RERE: variants seen among roughly 807,000 people sequenced by gnomAD.
RERE encodes the protein arginine-glutamic acid dipeptide repeats.
A neutral mutation model predicts 146.1 loss-of-function variants in RERE; 40 were observed. The ratio of observed to expected loss-of-function variants is 0.27; its 90% confidence interval spans 0.21 to 0.36. The LOEUF is 0.36. Ranked by LOEUF, RERE falls within the 10% of genes least tolerant of loss-of-function variation. The pLI, the probability that RERE is intolerant of heterozygous loss-of-function variation, is 1.00. For missense variants in RERE, 1,933 were observed against 2,138.7 expected (o/e 0.90, Z 1.90); for synonymous variants, 1,003 against 866.0 (o/e 1.16, Z -2.78).
intron 1 of RERE, chr1:8,703,307 G>C (rs1456311543): frequency 6.6e-6 from 1 of 150,414 alleles, no homozygotes; most frequent in African/African-American, 2.4e-5. Flanking sequence ...CGGCTAGGGA[G>C]GCGGCCGCCC....
At chr1:8,691,495 A>T (rs1474464689) in intron 1 of RERE, among the ~76,000 whole-genome samples, 1 of 152,202 alleles carries the variant, frequency 6.6e-6, no homozygotes, top group East Asian at 1.9e-4. Flanking sequence ...AAGAAATGCA[A>T]AGCCTTCCTA....
At chr1:8,615,469 G>C (rs1333397255) in intron 3 of RERE, among the ~76,000 whole-genome samples, 2 of 152,178 alleles carry the variant, frequency 1.3e-5, no homozygotes, top group African/African-American at 4.8e-5. Context: ...AGCTAGCACA[G>C]TATACCTCAG....
At chr1:8,816,081 G>C (rs1006650659) in intron 1 of RERE, among the ~76,000 whole-genome samples, 1 of 151,446 alleles carries the variant, frequency 6.6e-6, no homozygotes, top group Admixed American at 6.6e-5. Flanking sequence ...TCCCCCAACA[G>C]ACTGAGACTA....
intron 10 of RERE, among the ~76,000 whole-genome samples, chr1:8,482,599 G>A (rs1474800144): frequency 1.4e-5 from 2 of 144,630 alleles, no homozygotes; most frequent in African/African-American, 2.5e-5. Context: ...GGAGAATGGC[G>A]TGAACCCAGG....
At chr1:8,400,225 T>A (rs1643202911) in intron 12 of RERE, among the ~76,000 whole-genome samples, 1 of 126,632 alleles carries the variant, frequency 7.9e-6, no homozygotes, top group Non-Finnish European at 1.5e-5. Context: ...GTGTCATATG[T>A]GTGTGTGTGT....
intron 1 of RERE, among the ~76,000 whole-genome samples, chr1:8,727,189 C>G (rs1639988619): frequency 6.6e-6 from 1 of 152,154 alleles, no homozygotes; most frequent in Non-Finnish European, 1.5e-5. Context: ...GTAGCCCAGG[C>G]TGGAGTGCAG....
rs1325428226 is a variant in RERE, at chr1:8,356,003, C to CATGA, written c.4486+93_4486+96dup. The CATGA allele has an allele frequency of 2.7e-5, 35 of 1,320,732 alleles. No homozygotes were observed. The highest frequency in any genetic ancestry group is 1.1e-4 in the Admixed American group (4 of 35,352). The allele number at this position is 1,320,732 out of a possible 1,614,324, so 81.8% of individuals were successfully genotyped here. A position where few individuals can be genotyped will look rare whatever the true frequency, so the allele number is the denominator to read the frequency against. On this transcript the variant is annotated intron_variant, in intron 21 of 22. Transcript: ENST00000400908. This position sits in a 1 kb window ranked among gnomAD's most constrained non-coding sequence, Gnocchi z 5.2. ...GGGGAGCGAACCCACCTGCTCAATG[C>CATGA]ATGAATGAATGAATGAGTAATGAAT...
At chr1:8,453,808 C>T (rs948228647) in intron 11 of RERE, among the ~76,000 whole-genome samples, 1 of 151,118 alleles carries the variant, frequency 6.6e-6, no homozygotes, top group African/African-American at 2.4e-5. Context: ...GACTCTGTCT[C>T]AAAAAAAAAT....
chr1:8,696,927 T>C (rs192851013), intron 1 of RERE, among the ~76,000 whole-genome samples: 222 of 146,216 alleles, frequency 1.5e-3, no homozygotes, highest in Non-Finnish European at 1.7e-3. Flanking sequence ...AAAAATAAAA[T>C]AAAAACAGTT....
At position 8,661,837 on chromosome 1, in the gene RERE, G is replaced by GT. The variant is rs1638463335; in HGVS notation, c.-144-5397dup. Among the ~76,000 whole-genome samples the GT allele has an allele frequency of 1.3e-5, 2 of 152,116 alleles. 1 individual carries two copies. The highest frequency in any genetic ancestry group is 4.1e-4 in the South Asian group (2 of 4,826). Reference sequence around the variant, plus strand: ...GGTCCAGGCTGGAGATAATAATTTAGTTTTTAAAGCCATGAGACTGAATGA... The same window carrying GT: ...GGTCCAGGCTGGAGATAATAATTTAGTTTTTTAAAGCCATGAGACTGAATGA... On this transcript the variant is annotated intron_variant, in intron 1 of 22. Coordinates refer to ENST00000400908, the MANE Select transcript of RERE (RefSeq NM_001042681.2).
At chr1:8,564,826 A>ATATGTGTG (rs1384858524) in intron 4 of RERE, among the ~76,000 whole-genome samples, 1,199 of 117,690 alleles carry the variant, frequency 0.01, 10 homozygotes, top group African/African-American at 0.026. Context: ...GTGTGTGTAT[A>ATATGTGTG]TGTGTATGTG....
chr1:8,651,853 T>C (rs181267252), intron 2 of RERE, among the ~76,000 whole-genome samples: 1 of 152,278 alleles, frequency 6.6e-6, no homozygotes, highest in Admixed American at 6.5e-5. Context: ...ACAGTCTTGC[T>C]CTGTCACCCA....
At chr1:8,641,467 T>C (rs867302609) in intron 2 of RERE, among the ~76,000 whole-genome samples, 16 of 152,214 alleles carry the variant, frequency 1.1e-4, no homozygotes, top group Non-Finnish European at 1.8e-4. Flanking sequence ...AGGATTTTAA[T>C]ATAACTGCAG....
intron 7 of RERE, among the ~76,000 whole-genome samples, chr1:8,528,156 T>C (rs930019108): frequency 1.3e-5 from 2 of 152,112 alleles, no homozygotes; most frequent in African/African-American, 4.8e-5. Context: ...CTAGATCTAA[T>C]CGTGGGGAAA....
chr1:8,706,118 A>G (rs1639556210), intron 1 of RERE, among the ~76,000 whole-genome samples: 1 of 140,978 alleles, frequency 7.1e-6, no homozygotes, highest in African/African-American at 2.9e-5. Context: ...GTCTCCAAAA[A>G]AAAAAAAAAA....
intron 1 of RERE, among the ~76,000 whole-genome samples, chr1:8,689,988 G>C (rs1639175376): frequency 6.6e-6 from 1 of 152,162 alleles, no homozygotes; most frequent in African/African-American, 2.4e-5. Context: ...TCTGCCAAGA[G>C]AAGTATAATC....
Position 8,383,228 on chromosome 1 carries a change from G to A in RERE, c.1285-17254C>T, listed in dbSNP as rs75565571. On this transcript the variant is annotated intron_variant, in intron 12 of 22. Coordinates refer to ENST00000400908, the MANE Select transcript of RERE (RefSeq NM_001042681.2). ...TGTCTGAAGATCTCAGCTGCAACCA[G>A]CAGAACCATAAATGCCCAACAGCCC... is the stretch of plus-strand genomic sequence containing the variant. Among the ~76,000 whole-genome samples the A allele has an allele frequency of 4.4e-4, 67 of 151,832 alleles. 1 individual carries two copies. Among genetic ancestry groups the A allele is most frequent in the South Asian group, 2.1e-3 (10 of 4,806 alleles).
intron 6 of RERE, among the ~76,000 whole-genome samples, chr1:8,555,825 A>G (rs1319281799): frequency 6.6e-6 from 1 of 152,216 alleles, no homozygotes; most frequent in Non-Finnish European, 1.5e-5. Flanking sequence ...TGAAGACATT[A>G]TGACTGGCTG....
At chr1:8,388,649 C>T (rs536169823) in intron 12 of RERE, among the ~76,000 whole-genome samples, 12 of 152,282 alleles carry the variant, frequency 7.9e-5, no homozygotes, top group African/African-American at 2.9e-4. Context: ...TGCGTGGTGG[C>T]GACAGTTCAC....
Sources: gnomAD v4.1 joint callset for allele counts (sites outside exome capture counted in the v4.1 genomes callset) on GRCh38, gnomAD v4.1.1 for gene constraint, Gnocchi (gnomAD v3.1) non-coding constraint, MANE v1.5 for transcripts, NCBI Gene and HGNC (gene_info 2026-07-23, HGNC 2026-07-21) for gene names.